Variants in CAMK1D observed in about 807,000 individuals in gnomAD.
CAMK1D encodes calcium/calmodulin dependent protein kinase ID, also known as calcium/calmodulin-dependent protein kinase type 1D.
CAMK1D carries 9 observed loss-of-function variants against 47.7 expected under a neutral mutation model. That is an observed-to-expected ratio of 0.19 (90% confidence interval 0.11 to 0.33). CAMK1D has a LOEUF of 0.33. Among genes scored for constraint, CAMK1D ranks in the 10% least tolerant of loss-of-function variants. The pLI is 1.00. For missense variants in CAMK1D, 291 were observed against 488.7 expected (o/e 0.60, Z 3.81); for synonymous variants, 184 against 184.9 (o/e 0.99, Z 0.04).
intron 3 of CAMK1D, among the ~76,000 whole-genome samples, chr10:12,668,504 G>T (rs1437556217): frequency 6.6e-6 from 1 of 152,144 alleles, no homozygotes; most frequent in Non-Finnish European, 1.5e-5. Flanking sequence ...AAATAACTGG[G>T]CTCTGAGTAT....
chr10:12,754,656 G>A (rs1378605690), intron 3 of CAMK1D, among the ~76,000 whole-genome samples: 2 of 152,210 alleles, frequency 1.3e-5, no homozygotes, highest in Non-Finnish European at 1.5e-5. Flanking sequence ...GAGGCTGGAA[G>A]TGCAAGATCA....
intron 1 of CAMK1D, among the ~76,000 whole-genome samples, chr10:12,463,207 G>A (rs564173474): frequency 1.3e-4 from 20 of 148,624 alleles, no homozygotes; most frequent in Admixed American, 8.1e-4. Context: ...GCGTGATCTT[G>A]GCTCACTGCA....
At chr10:12,701,003 A>G (rs759201147) in intron 3 of CAMK1D, among the ~76,000 whole-genome samples, 7 of 152,226 alleles carry the variant, frequency 4.6e-5, no homozygotes, top group Non-Finnish European at 1.0e-4. Flanking sequence ...TAAAGGAGTG[A>G]AATGGTGAGA....
At chr10:12,436,413 A>G (rs757069448) in intron 1 of CAMK1D, among the ~76,000 whole-genome samples, 26 of 152,344 alleles carry the variant, frequency 1.7e-4, no homozygotes, top group Non-Finnish European at 3.5e-4. Context: ...AATGAAGAGC[A>G]GTGACCGTCG....
intron 1 of CAMK1D, among the ~76,000 whole-genome samples, chr10:12,455,421 G>A (rs1019464551): frequency 2.0e-5 from 3 of 152,154 alleles, no homozygotes; most frequent in Non-Finnish European, 2.9e-5. Flanking sequence ...CAGTTCGCCC[G>A]CCTTGGCCTT....
chr10:12,808,249 TG>T (rs1832448653), intron 6 of CAMK1D, among the ~76,000 whole-genome samples: 2 of 152,246 alleles, frequency 1.3e-5, no homozygotes, highest in African/African-American at 4.8e-5. Flanking sequence ...AGATTTCTAT[TG>T]TTACTGTCAC....
At chr10:12,484,108 C>G (rs974223779) in intron 1 of CAMK1D, among the ~76,000 whole-genome samples, 1 of 152,166 alleles carries the variant, frequency 6.6e-6, no homozygotes, top group African/African-American at 2.4e-5. Flanking sequence ...GGTGGCGTTC[C>G]AAATGCTTCA....
intron 3 of CAMK1D, among the ~76,000 whole-genome samples, chr10:12,743,474 T>A (rs919630109): frequency 6.6e-6 from 1 of 151,976 alleles, no homozygotes; most frequent in Non-Finnish European, 1.5e-5. Flanking sequence ...GATGAAATAA[T>A]GGGTCTATAA....
intron 1 of CAMK1D, among the ~76,000 whole-genome samples, chr10:12,445,276 A>T (rs1241372522): frequency 6.6e-6 from 1 of 152,242 alleles, no homozygotes; most frequent in East Asian, 1.9e-4. Flanking sequence ...CCCCTTGGCC[A>T]AGAGGAAGGT....
At chr10:12,465,933 A>G (rs1833576038) in intron 1 of CAMK1D, among the ~76,000 whole-genome samples, 1 of 152,218 alleles carries the variant, frequency 6.6e-6, no homozygotes, top group Non-Finnish European at 1.5e-5. Flanking sequence ...AGAGGCCAGA[A>G]AAAGACTGAA....
At chr10:12,615,095 C>G (rs891627120) in intron 2 of CAMK1D, among the ~76,000 whole-genome samples, 1 of 152,134 alleles carries the variant, frequency 6.6e-6, no homozygotes, top group Non-Finnish European at 1.5e-5. Flanking sequence ...GCAGGCAGAA[C>G]GCCTGAGAGC....
chr10:12,390,548 C>G (rs769499821), intron 1 of CAMK1D, among the ~76,000 whole-genome samples: 28 of 152,176 alleles, frequency 1.8e-4, no homozygotes, highest in Admixed American at 1.1e-3. Flanking sequence ...CCCCATTATT[C>G]AAGATCCTAC....
chr10:12,766,263 C>G (rs1166517332), intron 4 of CAMK1D, among the ~76,000 whole-genome samples: 1 of 151,232 alleles, frequency 6.6e-6, no homozygotes, highest in Non-Finnish European at 1.5e-5. Context: ...TGAGCCCCCC[C>G]TCCTCCCCCA....
intron 2 of CAMK1D, among the ~76,000 whole-genome samples, chr10:12,660,853 A>G (rs371828852): frequency 6.6e-6 from 1 of 152,220 alleles, no homozygotes; most frequent in African/African-American, 2.4e-5. Flanking sequence ...GCTGTTTGAG[A>G]GTCAACATCC....
intron 3 of CAMK1D, among the ~76,000 whole-genome samples, chr10:12,688,442 A>G (rs1011425879): frequency 6.6e-6 from 1 of 152,230 alleles, no homozygotes; most frequent in Non-Finnish European, 1.5e-5. Flanking sequence ...AAAAAGGTAC[A>G]TATAGGAGAG....
At chr10:12,357,505 T>G (rs1203714156) in intron 1 of CAMK1D, among the ~76,000 whole-genome samples, 1 of 152,088 alleles carries the variant, frequency 6.6e-6, no homozygotes, top group African/African-American at 2.4e-5. Context: ...TGGTAGAGAT[T>G]ATGTTTCAAC....
chr10:12,690,687 G>A lies in CAMK1D; in HGVS notation c.299+23877G>A, dbSNP rs572549822. 3.9e-5 allele frequency among the ~76,000 whole-genome samples: 6 copies of A among 152,292 alleles called. No individual in the cohort carries two copies. In the East Asian group the frequency reaches 1.2e-3, roughly 29 times the overall value. ...TGGCCTAAGGTCTGTGACTGTTTAT[G>A]AGGAAAGATTGTTTATAAAGCCATG... On this transcript the variant is annotated intron_variant, in intron 3 of 10. Transcript: ENST00000619168.
intron 4 of CAMK1D, among the ~76,000 whole-genome samples, chr10:12,762,007 A>G (rs973140580): frequency 3.9e-5 from 6 of 152,210 alleles, no homozygotes; most frequent in African/African-American, 1.4e-4. Flanking sequence ...ATATTGGCAT[A>G]TATGCCCCTC....
At chr10:12,592,983 C>G (rs1023561579) in intron 2 of CAMK1D, among the ~76,000 whole-genome samples, 1 of 152,196 alleles carries the variant, frequency 6.6e-6, no homozygotes, top group Non-Finnish European at 1.5e-5. Context: ...TTCCTAAACT[C>G]TAGTCCAAAT....
Sources: gnomAD v4.1 joint callset for allele counts (sites outside exome capture counted in the v4.1 genomes callset) on GRCh38, gnomAD v4.1.1 for gene constraint, MANE v1.5 for transcripts, NCBI Gene and HGNC (gene_info 2026-07-23, HGNC 2026-07-21) for gene names.